MAN1A2: variants seen among roughly 807,000 people sequenced by gnomAD.
MAN1A2 encodes mannosyl-oligosaccharide 1,2-alpha-mannosidase IB.
A neutral mutation model predicts 75.7 loss-of-function variants in MAN1A2; 26 were observed. That is an observed-to-expected ratio of 0.34 (90% CI 0.25 to 0.48). The LOEUF (loss-of-function observed/expected upper bound fraction) is 0.48, where lower values mean the gene tolerates loss of function less well. Among genes scored for constraint, MAN1A2 ranks in the 20% least tolerant of loss-of-function variants. The pLI, the probability that MAN1A2 is intolerant of heterozygous loss-of-function variation, is 0.99. For missense variants in MAN1A2, 562 were observed against 775.5 expected (o/e 0.72, Z 3.27); for synonymous variants, 247 against 264.6 (o/e 0.93, Z 0.65).
At chr1:117,514,748 G>A (rs140483071) in intron 12 of MAN1A2, 10 of 501,756 alleles carry the variant, frequency 2.0e-5, no homozygotes, top group African/African-American at 2.0e-4. Context: ...TTGTGGGTGA[G>A]GATTCTCAGA....
At chr1:117,375,265 T>C (rs1653098309) in intron 1 of MAN1A2, among the ~76,000 whole-genome samples, 1 of 152,156 alleles carries the variant, frequency 6.6e-6, no homozygotes, top group South Asian at 2.1e-4. Context: ...GGCTATAATT[T>C]CCTTTTTTAA....
chr1:117,404,305 T>C (rs985463819), intron 2 of MAN1A2, among the ~76,000 whole-genome samples: 11 of 152,334 alleles, frequency 7.2e-5, no homozygotes, highest in Admixed American at 1.3e-4. Flanking sequence ...TGCTGTTAAA[T>C]GAATAGATTT....
intron 1 of MAN1A2, among the ~76,000 whole-genome samples, chr1:117,395,595 T>C (rs1653878708): frequency 6.6e-6 from 1 of 152,170 alleles, no homozygotes; most frequent in Non-Finnish European, 1.5e-5. Context: ...CAAAATAATA[T>C]AACAAAAACA....
At position 117,523,183 on chromosome 1, in the gene MAN1A2, T is replaced by G. The variant is rs1651916610; in HGVS notation, c.*226T>G. 1.5e-6 allele frequency: 1 copy of G among 654,084 alleles called. No individual in the cohort carries two copies. Among genetic ancestry groups the G allele is most frequent in the African/African-American group, 1.8e-5 (1 of 55,596 alleles). The allele number at this position is 654,084 out of a possible 1,614,324, so 40.5% of individuals were successfully genotyped here. On this transcript the variant is annotated 3_prime_UTR_variant, in exon 13 of 13. Transcript: ENST00000356554. ...GATATGTGTAGGACAGAGACCTGGA[T>G]GTGCTTTGATCGTTAATGAGGTGGT...
At chr1:117,399,236 G>A (rs1242032501) in intron 1 of MAN1A2, among the ~76,000 whole-genome samples, 2 of 152,158 alleles carry the variant, frequency 1.3e-5, no homozygotes, top group Admixed American at 6.5e-5. Flanking sequence ...ATACCTGTTC[G>A]TGGAAGCTCA....
In MAN1A2 at chr1:117,383,642, A is replaced by G. The variant is rs142286040; in HGVS notation, c.302+15157A>G. Among the ~76,000 whole-genome samples, 90 of 152,254 alleles carry G rather than the reference A, an allele frequency of 5.9e-4. 2 individuals carry two copies. The East Asian group carries it at 0.012, about 21-fold the overall frequency. ...TTGATTCAGTCTCTTTACCTGATTC[A>G]GATTCTCTTCTTGAGTCAGTTTTTA... On this transcript the variant is annotated intron_variant, in intron 1 of 12. Coordinates refer to ENST00000356554, the MANE Select transcript of MAN1A2 (RefSeq NM_006699.5).
intron 6 of MAN1A2, among the ~76,000 whole-genome samples, chr1:117,453,791 C>G (rs1649494620): frequency 6.6e-6 from 1 of 152,200 alleles, no homozygotes; most frequent in Non-Finnish European, 1.5e-5. Flanking sequence ...AAAATGCTGT[C>G]AAACAGCATC....
At chr1:117,434,720 AAGTTATAG>A (rs1481422723) in intron 5 of MAN1A2, among the ~76,000 whole-genome samples, 1 of 150,314 alleles carries the variant, frequency 6.7e-6, no homozygotes, top group Non-Finnish European at 1.5e-5. Context: ...TGACTAAAGC[AAGTTATAG>A]ACCAGTAGTT....
chr1:117,367,844 G>T lies in MAN1A2; in HGVS notation c.-340G>T. The T allele has an allele frequency of 4.3e-6, 1 of 231,604 alleles. No homozygotes were observed. Among genetic ancestry groups the T allele is most frequent in the Non-Finnish European group, 8.4e-6 (1 of 119,276 alleles). 14.3% of individuals were successfully genotyped at this position (231,604 alleles called of 1,614,324 possible). On this transcript the variant is annotated 5_prime_UTR_variant, in exon 1 of 13. Coordinates refer to ENST00000356554, the MANE Select transcript of MAN1A2 (RefSeq NM_006699.5). ...CTACGTTTGAGCATCTCACTGAGGT[G>T]CAGGAATGGAAGAACCCACCTTGCA...
intron 5 of MAN1A2, among the ~76,000 whole-genome samples, chr1:117,429,772 C>T (rs1197293207): frequency 5.3e-5 from 6 of 112,440 alleles, no homozygotes; most frequent in Non-Finnish European, 9.7e-5. Flanking sequence ...ACCCCCCCAC[C>T]TCCCTCCCGG....
chr1:117,387,962 A>AC (rs1177573942), intron 1 of MAN1A2, among the ~76,000 whole-genome samples: 13 of 67,760 alleles, frequency 1.9e-4, no homozygotes, highest in African/African-American at 3.4e-4. Context: ...AAGGCCCCCC[A>AC]CCCCCCGCCG....
chr1:117,511,493 T>A (rs1001282780), intron 12 of MAN1A2, among the ~76,000 whole-genome samples: 2 of 151,972 alleles, frequency 1.3e-5, no homozygotes, highest in Non-Finnish European at 2.9e-5. Context: ...TTTTTTTTTT[T>A]AATCTATCTT....
intron 5 of MAN1A2, among the ~76,000 whole-genome samples, chr1:117,425,524 C>T (rs989749308): frequency 3.9e-5 from 6 of 152,098 alleles, no homozygotes; most frequent in African/African-American, 1.4e-4. Context: ...GGTTTCTTCC[C>T]AAGAATGCAA....
At chr1:117,458,674 C>T (rs1649708935) in intron 6 of MAN1A2, among the ~76,000 whole-genome samples, 1 of 151,508 alleles carries the variant, frequency 6.6e-6, no homozygotes, top group Non-Finnish European at 1.5e-5. Flanking sequence ...CGGCGCCTGC[C>T]ACCATGTCCG....
At chr1:117,436,551 T>C (rs1400498558) in intron 5 of MAN1A2, among the ~76,000 whole-genome samples, 1 of 152,232 alleles carries the variant, frequency 6.6e-6, no homozygotes, top group African/African-American at 2.4e-5. Context: ...TGCACATTTG[T>C]GCTAGAAGTA....
intron 6 of MAN1A2, among the ~76,000 whole-genome samples, chr1:117,445,858 GTA>G (rs71100321): frequency 0.3 from 22,814 of 74,980 alleles, 2,448 homozygotes; most frequent in African/African-American, 0.43. Context: ...GTGTGTGTGT[GTA>G]TGTGTGTGTG....
intron 12 of MAN1A2, chr1:117,515,858 T>C (rs1651699568): frequency 6.6e-6 from 1 of 152,044 alleles, no homozygotes. Context: ...AAGAACAGTG[T>C]GAATATACTT....
rs1021525643 is a variant in MAN1A2 at position 117,524,115 on chromosome 1, T to A, written c.*1158T>A. The stretch of plus-strand genomic sequence containing the variant: ...CACAGATATTTTATGTTTTTTTAAT[T>A]TTCTCCAAGAATATTTATAGAATTC... On this transcript the variant is annotated 3_prime_UTR_variant, in exon 13 of 13. Transcript: ENST00000356554. 6.6e-6 allele frequency: 1 copy of A among 152,218 alleles called. No individual in the cohort carries two copies. The highest frequency in any genetic ancestry group is 2.4e-5 in the African/African-American group (1 of 41,404). The allele number at this position is 152,218 out of a possible 1,614,324, so 9.4% of individuals were successfully genotyped here. A position where few individuals can be genotyped will look rare whatever the true frequency, so the allele number is the denominator to read the frequency against.
At chr1:117,483,610 A>G (rs1301773520) in intron 8 of MAN1A2, among the ~76,000 whole-genome samples, 1 of 152,108 alleles carries the variant, frequency 6.6e-6, no homozygotes, top group African/African-American at 2.4e-5. Context: ...ACTTTGCTGA[A>G]GTTGCTTATC....
Sources: allele counts gnomAD v4.1 joint callset (sites outside exome capture counted in the v4.1 genomes callset), GRCh38; gene constraint gnomAD v4.1.1; transcripts MANE v1.5; gene names NCBI Gene and HGNC (gene_info 2026-07-23, HGNC 2026-07-21).